Variants in PCDH9 observed in about 807,000 individuals in gnomAD.
PCDH9 encodes protocadherin-9.
PCDH9 carries 24 observed loss-of-function variants against 70.6 expected under a neutral mutation model. The observed-to-expected ratio is 0.34, with a 90% CI of 0.25 to 0.48. The LOEUF is 0.48. Among genes scored for constraint, PCDH9 ranks in the 20% least tolerant of loss-of-function variants. The pLI, the probability that PCDH9 is intolerant of heterozygous loss-of-function variation, is 0.99. For missense variants in PCDH9, 1,281 were observed against 1,503.6 expected, an observed-to-expected ratio of 0.85 and a Z score of 2.45; for synonymous variants, 562 against 558.5, an observed-to-expected ratio of 1.01 and a Z score of -0.09.
chr13:66,966,827 A>C (rs888334040), intron 2 of PCDH9, among the ~76,000 whole-genome samples: 1 of 152,050 alleles, frequency 6.6e-6, no homozygotes. Context: ...TGGGAGAATG[A>C]GACAAGGAAT....
chr13:66,312,615 A>T (rs1230059906), intron 4 of PCDH9, among the ~76,000 whole-genome samples: 1 of 152,060 alleles, frequency 6.6e-6, no homozygotes, highest in Non-Finnish European at 1.5e-5. Flanking sequence ...TGCCTCAAAA[A>T]AAAAAAAAAA....
chr13:67,082,767 A>C (rs994846212), intron 2 of PCDH9, among the ~76,000 whole-genome samples: 8 of 152,218 alleles, frequency 5.3e-5, no homozygotes, highest in African/African-American at 1.9e-4. Context: ...CCAATTGTAC[A>C]TCTTACCATT....
chr13:66,599,913 T>C (rs1184241276), intron 4 of PCDH9, among the ~76,000 whole-genome samples: 1 of 151,898 alleles, frequency 6.6e-6, no homozygotes, highest in Non-Finnish European at 1.5e-5. Context: ...TATGGGAGAT[T>C]TCAGAATTGG....
intron 3 of PCDH9, among the ~76,000 whole-genome samples, chr13:66,827,810 A>G (rs1226117001): frequency 6.6e-6 from 1 of 152,196 alleles, no homozygotes; most frequent in Non-Finnish European, 1.5e-5. Context: ...ACTCACCTAG[A>G]GGATGACCAG....
At chr13:66,316,197 C>A (rs1390135493) in intron 4 of PCDH9, among the ~76,000 whole-genome samples, 1 of 152,150 alleles carries the variant, frequency 6.6e-6, no homozygotes, top group African/African-American at 2.4e-5. Context: ...TTACACGGAG[C>A]CACCTGGATC....
intron 4 of PCDH9, among the ~76,000 whole-genome samples, chr13:66,520,899 T>A (rs973611486): frequency 2.6e-5 from 4 of 152,226 alleles, no homozygotes; most frequent in Non-Finnish European, 4.4e-5. Context: ...ATCTAAATAC[T>A]GGCAGAAGCT....
chr13:67,104,726 T>G (rs1390915266), intron 2 of PCDH9, among the ~76,000 whole-genome samples: 1 of 152,204 alleles, frequency 6.6e-6, no homozygotes, highest in East Asian at 1.9e-4. Context: ...TTTTTTTGTA[T>G]TTTTAGTAGA....
chr13:66,854,898 T>C (rs912830117), intron 3 of PCDH9, among the ~76,000 whole-genome samples: 2 of 152,090 alleles, frequency 1.3e-5, no homozygotes, highest in Admixed American at 6.6e-5. Context: ...TATATGGAAA[T>C]GTAATCAGAG....
intron 2 of PCDH9, among the ~76,000 whole-genome samples, chr13:66,911,017 A>T (rs571856247): frequency 2.8e-4 from 42 of 152,328 alleles, no homozygotes; most frequent in African/African-American, 9.4e-4. Flanking sequence ...ATAAATAATC[A>T]TTTAGCTTTG....
intron 4 of PCDH9, among the ~76,000 whole-genome samples, chr13:66,509,174 G>C (rs1481331784): frequency 1.3e-5 from 2 of 152,056 alleles, no homozygotes; most frequent in African/African-American, 4.8e-5. Context: ...CTGATTCTAG[G>C]CCTTGTCTTC....
chr13:66,306,610 A>T (rs182582438), intron 4 of PCDH9, among the ~76,000 whole-genome samples: 1 of 151,680 alleles, frequency 6.6e-6, no homozygotes, highest in African/African-American at 2.4e-5. Flanking sequence ...TTTCATATAA[A>T]CTCAAAGTTT....
intron 4 of PCDH9, among the ~76,000 whole-genome samples, chr13:66,516,640 C>G (rs1959748960): frequency 6.6e-6 from 1 of 152,010 alleles, no homozygotes; most frequent in Non-Finnish European, 1.5e-5. Context: ...AGACTATCAA[C>G]TATCTTGTCT....
At chr13:67,075,732 G>A (rs7997247) in intron 2 of PCDH9, among the ~76,000 whole-genome samples, 15,458 of 151,966 alleles carry the variant, frequency 0.1, 860 homozygotes, top group South Asian at 0.14. Context: ...TTATTAACAA[G>A]GGTAAAACAC....
At chr13:66,734,516 G>T (rs955866706) in intron 3 of PCDH9, among the ~76,000 whole-genome samples, 1 of 152,152 alleles carries the variant, frequency 6.6e-6, no homozygotes, top group African/African-American at 2.4e-5. Flanking sequence ...TGTCAGAAAT[G>T]AAGGCTTTCT....
At chr13:66,372,690 C>G (rs1010751616) in intron 4 of PCDH9, among the ~76,000 whole-genome samples, 3 of 151,486 alleles carry the variant, frequency 2.0e-5, no homozygotes, top group Non-Finnish European at 4.4e-5. Context: ...AAGACAAGCC[C>G]CTAAGCACAC....
chr13:67,207,668 G>A (rs1388564380), intron 2 of PCDH9: 1 of 152,250 alleles, frequency 6.6e-6, no homozygotes, highest in Middle Eastern at 3.4e-3. Flanking sequence ...CACTTTTCCT[G>A]TGAAATTGTT....
At chr13:66,975,123 CT>C (rs1802090546) in intron 2 of PCDH9, among the ~76,000 whole-genome samples, 1 of 151,930 alleles carries the variant, frequency 6.6e-6, no homozygotes, top group Admixed American at 6.6e-5. Flanking sequence ...TGATAAATGC[CT>C]AGAAAGCATC....
At chr13:66,961,571 G>C (rs1414580834) in intron 2 of PCDH9, among the ~76,000 whole-genome samples, 1 of 152,088 alleles carries the variant, frequency 6.6e-6, no homozygotes, top group Non-Finnish European at 1.5e-5. Context: ...AGGTGAGGGG[G>C]TTACTTGAGC....
chr13:66,898,361 G>C (rs919452106), intron 3 of PCDH9, among the ~76,000 whole-genome samples: 3 of 151,776 alleles, frequency 2.0e-5, no homozygotes, highest in African/African-American at 7.3e-5. Context: ...AAAAAATTTA[G>C]TGTTATTAGT....
Sources: gnomAD v4.1 joint callset for allele counts (sites outside exome capture counted in the v4.1 genomes callset) on GRCh38, gnomAD v4.1.1 for gene constraint, MANE v1.5 for transcripts, NCBI Gene and HGNC (gene_info 2026-07-23, HGNC 2026-07-21) for gene names.